PHLPP1: variants seen among roughly 807,000 people sequenced by gnomAD.
PHLPP1 encodes the protein PH domain leucine-rich repeat-containing protein phosphatase 1.
A neutral mutation model predicts 117.2 loss-of-function variants in PHLPP1; 42 were observed. The ratio of observed to expected loss-of-function variants is 0.36; its 90% CI spans 0.28 to 0.46. The LOEUF is 0.46. Among genes scored for constraint, PHLPP1 ranks in the 20% least tolerant of loss-of-function variants. The pLI, the probability that PHLPP1 is intolerant of heterozygous loss-of-function variation, is 1.00. For missense variants in PHLPP1, 2,084 were observed against 2,241.9 expected, an observed-to-expected ratio of 0.93 and a Z score of 1.42; for synonymous variants, 1,042 against 970.7, an observed-to-expected ratio of 1.07 and a Z score of -1.37.
chr18:62,877,716 A>G (rs1916082895), intron 4 of PHLPP1, among the ~76,000 whole-genome samples: 2 of 152,188 alleles, frequency 1.3e-5, no homozygotes, highest in African/African-American at 2.4e-5. Flanking sequence ...CCATTTCACA[A>G]GATTCCCATT....
At position 62,979,160 on chromosome 18, in the gene PHLPP1, C is replaced by A; in HGVS notation, c.4883C>A (p.Ala1628Glu). Reference sequence around the variant, plus strand: ...CGCCGGAGGGCCAATGGCTCTGTTGCGCCCCAGGAAAGGAGCCACAATGTG... The same window carrying A: ...CGCCGGAGGGCCAATGGCTCTGTTGAGCCCCAGGAAAGGAGCCACAATGTG... Reference protein sequence around the residue: ...IGRRRANGSVAPQERSHNVIE... With the variant: ...IGRRRANGSVEPQERSHNVIE... Residue 1628 changes from alanine to glutamate, a missense_variant, in exon 17 of 17, where the codon GCG (alanine) becomes GAG (glutamate). Transcript: ENST00000262719. 1 of 1,613,810 alleles carries A rather than the reference C, an allele frequency of 6.2e-7. No individual in the cohort carries two copies. Among genetic ancestry groups the A allele is most frequent in the South Asian group, 1.1e-5 (1 of 91,044 alleles).
chr18:62,762,217 C>G (rs1210051848), intron 1 of PHLPP1, among the ~76,000 whole-genome samples: 1 of 151,728 alleles, frequency 6.6e-6, no homozygotes, highest in East Asian at 1.9e-4. Context: ...GGTCGTCACT[C>G]ATCTGTATTG....
Position 62,945,391 on chromosome 18 carries a change from T to A in PHLPP1, c.3324+120T>A, listed in dbSNP as rs911143308. Reference sequence around the variant, plus strand: ...ATTTATTCAGAATGAAGGCCCCCATTAGCCCTTACTTCCTCCTTCCTAACC... The same window carrying A: ...ATTTATTCAGAATGAAGGCCCCCATAAGCCCTTACTTCCTCCTTCCTAACC... On this transcript the variant is annotated intron_variant, in intron 12 of 16. Coordinates refer to ENST00000262719, the MANE Select transcript of PHLPP1 (RefSeq NM_194449.4). The A allele has an allele frequency of 2.5e-5, 19 of 747,228 alleles. No homozygotes were observed. The East Asian group carries it at 5.6e-4, about 22-fold the overall frequency. The allele number at this position is 747,228 out of a possible 1,614,324, so 46.3% of individuals were successfully genotyped here.
At chr18:62,954,221 AC>A (rs1224184908) in intron 12 of PHLPP1, among the ~76,000 whole-genome samples, 2 of 152,182 alleles carry the variant, frequency 1.3e-5, no homozygotes, top group Non-Finnish European at 2.9e-5. Context: ...GGGCATTCTT[AC>A]CAGAATTTTG....
chr18:62,768,432 T>C (rs1330445199), intron 1 of PHLPP1, among the ~76,000 whole-genome samples: 1 of 152,156 alleles, frequency 6.6e-6, no homozygotes, highest in Non-Finnish European at 1.5e-5. Context: ...TGGCTGACGA[T>C]GGAGGAGGCT....
At chr18:62,743,775 C>T (rs1460869770) in intron 1 of PHLPP1, among the ~76,000 whole-genome samples, 5 of 152,050 alleles carry the variant, frequency 3.3e-5, no homozygotes, top group South Asian at 4.2e-4. Context: ...CTCTTCCACC[C>T]TCCCCCTCTC....
chr18:62,915,797 T>C (rs1321864798), intron 9 of PHLPP1, among the ~76,000 whole-genome samples: 1 of 152,190 alleles, frequency 6.6e-6, no homozygotes, highest in Non-Finnish European at 1.5e-5. Context: ...TCTGTGGCTA[T>C]TGAGCACTTG....
intron 11 of PHLPP1, 72 bp from the exon 12 acceptor site, chr18:62,945,037 C>T: frequency 8.9e-7 from 1 of 1,126,024 alleles, no homozygotes; most frequent in Admixed American, 3.1e-5. Context: ...AAAGTCATAG[C>T]AATTTAATTC....
chr18:62,951,301 GTGTT>G (rs904856276), intron 12 of PHLPP1, among the ~76,000 whole-genome samples: 2 of 152,162 alleles, frequency 1.3e-5, no homozygotes, highest in East Asian at 1.9e-4. Flanking sequence ...AGTTTTGTGT[GTGTT>G]TGTTTTTAAC....
intron 14 of PHLPP1, 149 bp from the exon 15 acceptor site, chr18:62,972,365 T>C: frequency 1.6e-6 from 1 of 606,770 alleles, no homozygotes; most frequent in Non-Finnish European, 2.8e-6. Context: ...TGTTGGAAAT[T>C]AGCTGGAGTC....
intron 4 of PHLPP1, among the ~76,000 whole-genome samples, chr18:62,885,815 C>T (rs1405172381): frequency 6.6e-6 from 1 of 152,216 alleles, no homozygotes; most frequent in Non-Finnish European, 1.5e-5. Context: ...TGGAATATTA[C>T]ACCTCAAAAT....
chr18:62,735,575 A>ACAG (rs963697684), intron 1 of PHLPP1, among the ~76,000 whole-genome samples: 6 of 150,294 alleles, frequency 4.0e-5, no homozygotes, highest in Admixed American at 2.0e-4. Flanking sequence ...AACAACAACA[A>ACAG]CAACAACAAC....
intron 1 of PHLPP1, among the ~76,000 whole-genome samples, chr18:62,809,714 T>G (rs929350910): frequency 6.6e-6 from 1 of 151,658 alleles, no homozygotes; most frequent in Non-Finnish European, 1.5e-5. Flanking sequence ...AAAAAAAAAG[T>G]CATTGGCATT....
chr18:62,775,346 C>T (rs1912917790), intron 1 of PHLPP1, among the ~76,000 whole-genome samples: 1 of 152,150 alleles, frequency 6.6e-6, no homozygotes, highest in South Asian at 2.1e-4. Context: ...GTGATCCACC[C>T]GCCTCGGCCT....
chr18:62,787,490 G>T (rs1349868322), intron 1 of PHLPP1, among the ~76,000 whole-genome samples: 1 of 152,154 alleles, frequency 6.6e-6, no homozygotes, highest in Non-Finnish European at 1.5e-5. Flanking sequence ...TTGAAGGGAG[G>T]AACTGAGGGG....
At chr18:62,960,219 C>CA (rs1489598466) in intron 13 of PHLPP1, among the ~76,000 whole-genome samples, 2 of 152,044 alleles carry the variant, frequency 1.3e-5, no homozygotes, top group African/African-American at 4.8e-5. Context: ...TATATCACAC[C>CA]AAAATCCAGC....
chr18:62,935,996 C>T (rs1273583588), intron 10 of PHLPP1, among the ~76,000 whole-genome samples: 1 of 152,076 alleles, frequency 6.6e-6, no homozygotes, highest in African/African-American at 2.4e-5. Flanking sequence ...GAGCAAGACT[C>T]CATCTCACAA....
chr18:62,950,444 T>G (rs1457668176), intron 12 of PHLPP1, among the ~76,000 whole-genome samples: 1 of 152,216 alleles, frequency 6.6e-6, no homozygotes, highest in Admixed American at 6.5e-5. Flanking sequence ...CAGACTTCGC[T>G]TGGCTGGATT....
chr18:62,933,931 C>T (rs1909893761), intron 10 of PHLPP1, among the ~76,000 whole-genome samples: 1 of 152,050 alleles, frequency 6.6e-6, no homozygotes, highest in Non-Finnish European at 1.5e-5. Flanking sequence ...CATGAATAGA[C>T]ACTTCTCAAA....
Sources: allele counts gnomAD v4.1 joint callset (sites outside exome capture counted in the v4.1 genomes callset), GRCh38; gene constraint gnomAD v4.1.1; transcripts MANE v1.5; gene names NCBI Gene and HGNC (gene_info 2026-07-23, HGNC 2026-07-21).